The following LHPP variants were observed in gnomAD, a reference collection of about 807,000 sequenced individuals.
The protein encoded by LHPP is hLHPP.
In LHPP, 24 loss-of-function variants were observed where a neutral mutation model predicts 30.3. That is an observed-to-expected ratio of 0.79 (90% CI 0.57 to 1.11). The LOEUF (loss-of-function observed/expected upper bound fraction) is 1.11, where lower values mean the gene tolerates loss of function less well. Among genes scored for constraint, LHPP ranks in the 50% most tolerant of loss-of-function variants. The pLI, the probability that LHPP is intolerant of heterozygous loss-of-function variation, is 0.00. For synonymous variants in LHPP, 150 were observed against 157.1 expected, an observed-to-expected ratio of 0.95 and a Z score of 0.34; for missense variants, 356 against 367.2, an observed-to-expected ratio of 0.97 and a Z score of 0.25.
intron 6 of LHPP, among the ~76,000 whole-genome samples, chr10:124,587,647 G>A (rs1948821477): frequency 6.8e-6 from 1 of 147,872 alleles, no homozygotes; most frequent in Non-Finnish European, 1.5e-5. Flanking sequence ...GGCTGAGGCA[G>A]GAGAATCGCT....
At chr10:124,466,299 G>A (rs1417582102) in intron 1 of LHPP, among the ~76,000 whole-genome samples, 1 of 152,244 alleles carries the variant, frequency 6.6e-6, no homozygotes, top group Non-Finnish European at 1.5e-5. Flanking sequence ...AGAAATGCAA[G>A]AATGTATTTC....
rs1953721969 is a variant in LHPP, at chr10:124,496,740, G to T, written c.468-221G>T. On this transcript the variant is annotated intron_variant, in intron 3 of 6. Transcript: ENST00000368842. The surrounding 1 kb of genome is among the most constrained non-coding windows in gnomAD (Gnocchi z 4.3). The stretch of plus-strand genomic sequence containing the variant: ...TGCGACCTGTGGCATCCCTGGAGCT[G>T]CTGGCTGCTGCGCTCGCCCCACTGG... 6.6e-6 allele frequency among the ~76,000 whole-genome samples: 1 copy of T among 152,230 alleles called. No homozygotes were observed. The highest frequency in any genetic ancestry group is 1.5e-5 in the Non-Finnish European group (1 of 68,034).
rs533020428 is a variant in LHPP, at chr10:124,496,908, T to G, written c.468-53T>G. On this transcript the variant is annotated intron_variant, in intron 3 of 6. Transcript: ENST00000368842. The surrounding 1 kb of genome is among the most constrained non-coding windows in gnomAD (Gnocchi z 4.3). The stretch of plus-strand genomic sequence containing the variant: ...GCTCAGCTCCCGATACTTAGCATCC[T>G]GCGGTCAGCTCCCCGTGCTCAGCAT... The G allele has an allele frequency of 7.2e-6, 11 of 1,521,836 alleles. No homozygotes were observed. In the East Asian group the frequency reaches 1.8e-4, roughly 25 times the overall value. 94.3% of individuals were successfully genotyped at this position (1,521,836 alleles called of 1,614,324 possible). A position where few individuals can be genotyped will look rare whatever the true frequency, so the allele number is the denominator to read the frequency against.
Position 124,524,498 on chromosome 10 carries a change from A to G in LHPP, c.716+7227A>G, listed in dbSNP as rs570406926. On this transcript the variant is annotated intron_variant, in intron 6 of 6. Transcript: ENST00000368842. ...CACCACGTTGGCCAAACTGGTCTCA[A>G]ACTCCTGACCTCAAATGATCCCCCC... Among the ~76,000 whole-genome samples the G allele has an allele frequency of 2.4e-4, 37 of 152,096 alleles. No individual in the cohort carries two copies. In the East Asian group the frequency reaches 7.0e-3, roughly 29 times the overall value.
chr10:124,488,638 C>T, intron 3 of LHPP, 63 bp downstream of exon 3: 1 of 1,473,558 alleles, frequency 6.8e-7, no homozygotes, highest in Non-Finnish European at 9.2e-7. Flanking sequence ...CAGTCTCCAA[C>T]TTGCGGAATC....
At chr10:124,553,753 C>T (rs189040970) in intron 6 of LHPP, among the ~76,000 whole-genome samples, 116 of 152,368 alleles carry the variant, frequency 7.6e-4, no homozygotes, top group African/African-American at 2.6e-3. Flanking sequence ...GCCACCACGC[C>T]CGGCCTACAG....
intron 5 of LHPP, 24 bp downstream of exon 5, chr10:124,498,152 G>T: frequency 7.0e-7 from 1 of 1,428,814 alleles, no homozygotes; most frequent in African/African-American, 1.4e-5. Flanking sequence ...TTGTGAAGTG[G>T]GTCAGGGGAG....
intron 5 of LHPP, among the ~76,000 whole-genome samples, chr10:124,508,420 G>C (rs1488927068): frequency 6.6e-6 from 1 of 152,134 alleles, no homozygotes; most frequent in African/African-American, 2.4e-5. Flanking sequence ...TGGAAACTCT[G>C]TCCACCGATG....
At chr10:124,598,174 C>T (rs1042021758) in intron 6 of LHPP, among the ~76,000 whole-genome samples, 1 of 152,276 alleles carries the variant, frequency 6.6e-6, no homozygotes, top group Admixed American at 6.5e-5. Flanking sequence ...AGCCCCTCAC[C>T]AGGTCCCCAG....
At chr10:124,495,306 C>G (rs1247866114) in intron 3 of LHPP, among the ~76,000 whole-genome samples, 1 of 152,130 alleles carries the variant, frequency 6.6e-6, no homozygotes, top group Non-Finnish European at 1.5e-5. Context: ...TGGAGAGTCC[C>G]AAGCCCACGT....
intron 6 of LHPP, among the ~76,000 whole-genome samples, chr10:124,518,662 G>T (rs555931296): frequency 1.3e-5 from 2 of 152,362 alleles, no homozygotes; most frequent in South Asian, 4.1e-4. Context: ...GCTTCTTCCA[G>T]TTCCTTGGAG....
intron 6 of LHPP, among the ~76,000 whole-genome samples, chr10:124,585,816 C>G (rs1458091511): frequency 6.6e-6 from 1 of 151,826 alleles, no homozygotes; most frequent in Non-Finnish European, 1.5e-5. Flanking sequence ...GAGATAGAGT[C>G]TTGCTCTGTC....
intron 2 of LHPP, among the ~76,000 whole-genome samples, chr10:124,487,212 T>C (rs1463542362): frequency 6.6e-6 from 1 of 152,238 alleles, no homozygotes; most frequent in African/African-American, 2.4e-5. Flanking sequence ...ACAGTTCTTT[T>C]GGGTAAATAC....
At chr10:124,524,015 CCCAATTT>C in intron 6 of LHPP, among the ~76,000 whole-genome samples, 1 of 152,292 alleles carries the variant, frequency 6.6e-6, no homozygotes, top group Non-Finnish European at 1.5e-5. Flanking sequence ...TGGGACCCAC[CCCAATTT>C]AAGCCTGTAC....
intron 6 of LHPP, among the ~76,000 whole-genome samples, chr10:124,607,895 C>T (rs1248384109): frequency 2.0e-5 from 3 of 152,190 alleles, no homozygotes; most frequent in East Asian, 1.9e-4. Flanking sequence ...TGGGTGCACA[C>T]GTGGCGGCTG....
chr10:124,526,506 C>T (rs1473320229), intron 6 of LHPP, among the ~76,000 whole-genome samples: 1 of 152,204 alleles, frequency 6.6e-6, no homozygotes, highest in Non-Finnish European at 1.5e-5. Context: ...TCTCAAGCCA[C>T]CCCCCAATTA....
At chr10:124,578,809 C>T (rs1948705618) in intron 6 of LHPP, among the ~76,000 whole-genome samples, 4 of 152,172 alleles carry the variant, frequency 2.6e-5, no homozygotes, top group Admixed American at 6.5e-5. Flanking sequence ...GGGCATGGGG[C>T]CAGTGCCTGG....
chr10:124,540,736 G>T (rs551791881), intron 6 of LHPP, among the ~76,000 whole-genome samples: 1 of 151,992 alleles, frequency 6.6e-6, no homozygotes, highest in Non-Finnish European at 1.5e-5. Context: ...TTCTCCAGCC[G>T]GCCCTACAGA....
intron 5 of LHPP, among the ~76,000 whole-genome samples, chr10:124,505,857 C>T (rs1028065477): frequency 1.6e-4 from 25 of 152,136 alleles, no homozygotes; most frequent in East Asian, 1.2e-3. Context: ...CAAGAACCCT[C>T]GCCTGGAGGG....
Sources: gnomAD v4.1 joint callset for allele counts (sites outside exome capture counted in the v4.1 genomes callset) on GRCh38, gnomAD v4.1.1 for gene constraint, Gnocchi (gnomAD v3.1) non-coding constraint, MANE v1.5 for transcripts, NCBI Gene and HGNC (gene_info 2026-07-23, HGNC 2026-07-21) for gene names.